The following CDH12 variants were observed in gnomAD, a reference collection of about 807,000 sequenced individuals.
CDH12 encodes the protein cadherin-12.
Under a neutral mutation model 74.1 loss-of-function variants are expected in CDH12, and 41 were observed. The observed-to-expected ratio is 0.55, with a 90% CI of 0.43 to 0.72. CDH12 has a LOEUF of 0.72. Among genes scored for constraint, CDH12 ranks in the 30% least tolerant of loss-of-function variants. The probability of loss-of-function intolerance (pLI) is 0.00; values close to 1 mark genes in which losing one functional copy is unlikely to be tolerated. For missense variants in CDH12, 945 were observed against 977.2 expected (o/e 0.97, Z 0.44); for synonymous variants, 399 against 355.0 (o/e 1.12, Z -1.39).
At chr5:22,699,264 T>C (rs942808319) in intron 1 of CDH12, among the ~76,000 whole-genome samples, 1 of 152,220 alleles carries the variant, frequency 6.6e-6, no homozygotes, top group Non-Finnish European at 1.5e-5. Flanking sequence ...AAATCTTTAA[T>C]GTTGTGGTTT....
At chr5:22,330,471 G>GGC (rs1344625430) in intron 3 of CDH12, among the ~76,000 whole-genome samples, 2 of 152,036 alleles carry the variant, frequency 1.3e-5, no homozygotes, top group Non-Finnish European at 2.9e-5. Flanking sequence ...GAAAAGCAGG[G>GGC]GCCAAGCGTG....
At chr5:22,817,130 A>G (rs932420322) in intron 1 of CDH12, among the ~76,000 whole-genome samples, 1 of 152,056 alleles carries the variant, frequency 6.6e-6, no homozygotes, top group Non-Finnish European at 1.5e-5. Flanking sequence ...AGGTTTCCAA[A>G]TGTATTTTAT....
chr5:22,261,747 A>G (rs1753520988), intron 3 of CDH12, among the ~76,000 whole-genome samples: 1 of 151,264 alleles, frequency 6.6e-6, no homozygotes, highest in Non-Finnish European at 1.5e-5. Flanking sequence ...CATGTGTCCC[A>G]CACGGGTGTC....
At chr5:22,812,880 C>T (rs941619350) in intron 1 of CDH12, among the ~76,000 whole-genome samples, 2 of 152,028 alleles carry the variant, frequency 1.3e-5, no homozygotes, top group Non-Finnish European at 2.9e-5. Context: ...ATAATGACCA[C>T]TGGTATTCAA....
intron 6 of CDH12, chr5:21,882,953 C>T: frequency 6.3e-7 from 1 of 1,598,052 alleles, no homozygotes; most frequent in East Asian, 2.2e-5. Flanking sequence ...TACTGGCAGG[C>T]TCTATAGCCA....
At chr5:22,190,995 T>C (rs1003771331) in intron 4 of CDH12, among the ~76,000 whole-genome samples, 7 of 152,228 alleles carry the variant, frequency 4.6e-5, no homozygotes, top group Non-Finnish European at 1.0e-4. Flanking sequence ...TGAAGTAATG[T>C]AATAGTTTTC....
At chr5:22,065,163 G>T (rs1434701200) in intron 5 of CDH12, among the ~76,000 whole-genome samples, 1 of 152,056 alleles carries the variant, frequency 6.6e-6, no homozygotes, top group Admixed American at 6.6e-5. Context: ...CCACCTCACT[G>T]CTCTCTTTGA....
intron 1 of CDH12, among the ~76,000 whole-genome samples, chr5:22,594,794 A>G (rs1206803905): frequency 7.0e-6 from 1 of 143,810 alleles, no homozygotes; most frequent in Non-Finnish European, 1.6e-5. Context: ...CATTTCAGGA[A>G]CATACTGCTG....
intron 3 of CDH12, among the ~76,000 whole-genome samples, chr5:22,241,629 T>C (rs555981904): frequency 6.6e-6 from 1 of 152,082 alleles, no homozygotes; most frequent in Non-Finnish European, 1.5e-5. Context: ...TAAATCTTAG[T>C]GGAAGAATAA....
At chr5:22,691,964 T>C (rs976683316) in intron 1 of CDH12, among the ~76,000 whole-genome samples, 2 of 152,194 alleles carry the variant, frequency 1.3e-5, no homozygotes, top group Non-Finnish European at 2.9e-5. Context: ...ATTAACATAA[T>C]TACCTACATG....
intron 1 of CDH12, among the ~76,000 whole-genome samples, chr5:22,657,874 A>T (rs899201241): frequency 5.9e-5 from 9 of 152,204 alleles, no homozygotes; most frequent in African/African-American, 2.2e-4. Flanking sequence ...CAATCCATAA[A>T]GTACAATAAC....
At chr5:21,996,511 T>G (rs1736310185) in intron 5 of CDH12, among the ~76,000 whole-genome samples, 1 of 152,156 alleles carries the variant, frequency 6.6e-6, no homozygotes, top group African/African-American at 2.4e-5. Context: ...CTAAGTGATT[T>G]CCCCAATATC....
chr5:22,148,656 T>C (rs1747366794), intron 4 of CDH12, among the ~76,000 whole-genome samples: 1 of 152,198 alleles, frequency 6.6e-6, no homozygotes, highest in Admixed American at 6.5e-5. Flanking sequence ...GAAAAACCCA[T>C]CTTATTCCTC....
chr5:21,973,027 G>T (rs1214060741), intron 6 of CDH12, among the ~76,000 whole-genome samples: 2 of 143,434 alleles, frequency 1.4e-5, no homozygotes, highest in African/African-American at 5.4e-5. Flanking sequence ...AACATAGCTA[G>T]ATCCCTTCTC....
chr5:22,841,421 T>G (rs1737076581), intron 1 of CDH12, among the ~76,000 whole-genome samples: 1 of 152,134 alleles, frequency 6.6e-6, no homozygotes, highest in African/African-American at 2.4e-5. Flanking sequence ...TATAATTCAT[T>G]TTGGACGTGT....
intron 1 of CDH12, among the ~76,000 whole-genome samples, chr5:22,838,752 A>C (rs1232469326): frequency 6.6e-6 from 1 of 151,338 alleles, no homozygotes; most frequent in Non-Finnish European, 1.5e-5. Flanking sequence ...TTGGCTCACT[A>C]CAACCTCTGC....
rs115097581 is a variant in CDH12 at position 22,184,863 on chromosome 5, A to T, written c.-187+27635T>A. 5.3e-3 allele frequency among the ~76,000 whole-genome samples: 808 copies of T among 152,196 alleles called. 9 individuals carry two copies. The highest frequency in any genetic ancestry group is 0.019 in the African/African-American group (777 of 41,542). ...AGCACTAAAGTCATTTTTTTAAAAA[A>T]CTTTTAAGTTCAAGGGTGAAAGTGC... is the stretch of plus-strand genomic sequence containing the variant. On this transcript the variant is annotated intron_variant, in intron 4 of 14. Transcript: ENST00000382254.
intron 9 of CDH12, among the ~76,000 whole-genome samples, 175 bp from the exon 10 acceptor site, chr5:21,802,595 T>TTTC (rs1554032193): frequency 2.1e-5 from 3 of 141,760 alleles, no homozygotes; most frequent in Admixed American, 7.1e-5. Context: ...TTTTTTTTCT[T>TTTC]TTTTTTTTTT....
intron 3 of CDH12, among the ~76,000 whole-genome samples, chr5:22,267,731 G>T (rs1736192592): frequency 6.6e-6 from 1 of 152,110 alleles, no homozygotes; most frequent in African/African-American, 2.4e-5. Context: ...GTATAAGGTT[G>T]TGTTGCCTTT....
Sources: allele counts gnomAD v4.1 joint callset (sites outside exome capture counted in the v4.1 genomes callset), GRCh38; gene constraint gnomAD v4.1.1; transcripts MANE v1.5; gene names NCBI Gene and HGNC (gene_info 2026-07-23, HGNC 2026-07-21).